Variants in RBFOX1 observed in about 807,000 individuals in gnomAD.
The protein encoded by RBFOX1 is RNA binding fox-1 homolog 1.
Under a neutral mutation model 57.7 loss-of-function variants are expected in RBFOX1, and 8 were observed. The observed-to-expected ratio is 0.14, with a 90% CI of 0.08 to 0.25. The LOEUF is 0.25. Ranked by LOEUF, RBFOX1 falls within the 10% of genes least tolerant of loss-of-function variation. The pLI is 1.00. For synonymous variants in RBFOX1, 326 were observed against 222.4 expected (o/e 1.47, Z -4.15); for missense variants, 611 against 548.5 (o/e 1.11, Z -1.14).
At chr16:7,059,914 A>G (rs1331006299) in intron 4 of RBFOX1, among the ~76,000 whole-genome samples, 1 of 152,212 alleles carries the variant, frequency 6.6e-6, no homozygotes, top group African/African-American at 2.4e-5. Context: ...TATGAAAACT[A>G]AATGCTTTGG....
intron 4 of RBFOX1, among the ~76,000 whole-genome samples, chr16:7,082,801 G>C (rs1239496327): frequency 6.6e-6 from 1 of 152,150 alleles, no homozygotes. Flanking sequence ...GCCACCAGTA[G>C]CTTAATCAGT....
intron 1 of RBFOX1, chr16:5,270,672 G>T: frequency 1.9e-6 from 1 of 536,612 alleles, no homozygotes; most frequent in East Asian, 4.3e-5. Flanking sequence ...TCCAGAAGAA[G>T]GTGTTGGAAA....
chr16:7,432,523 C>T (rs1454543910), intron 4 of RBFOX1, among the ~76,000 whole-genome samples: 1 of 152,164 alleles, frequency 6.6e-6, no homozygotes, highest in Non-Finnish European at 1.5e-5. Context: ...TATGCACAAA[C>T]ATTTTTTTTA....
intron 1 of RBFOX1, among the ~76,000 whole-genome samples, chr16:6,189,776 T>G (rs947444960): frequency 6.6e-6 from 1 of 152,212 alleles, no homozygotes; most frequent in Non-Finnish European, 1.5e-5. Context: ...TTTAAAAAAA[T>G]TATTCCATGG....
chr16:6,453,558 A>G (rs1246429739), intron 2 of RBFOX1, among the ~76,000 whole-genome samples: 1 of 152,208 alleles, frequency 6.6e-6, no homozygotes, highest in Non-Finnish European at 1.5e-5. Context: ...CAACCAAAAA[A>G]AAGCCCAGGA....
intron 3 of RBFOX1, among the ~76,000 whole-genome samples, chr16:5,659,841 C>T (rs2049587902): frequency 6.6e-6 from 1 of 152,144 alleles, no homozygotes; most frequent in Non-Finnish European, 1.5e-5. Context: ...CATCACATTG[C>T]AGTTGTTGCA....
chr16:6,587,825 A>G (rs1430357582), intron 2 of RBFOX1, among the ~76,000 whole-genome samples: 1 of 152,194 alleles, frequency 6.6e-6, no homozygotes, highest in African/African-American at 2.4e-5. Flanking sequence ...ATTTTGTGAC[A>G]TTTACTTTCT....
rs546872641 is a variant in RBFOX1 at position 5,293,800 on chromosome 16, G to C, written c.219+53695G>C. ...TTGATGGATACAGGGTTATTTTTTG[G>C]GGGGGCGGGGGGTGTTAATGAAAAT... On this transcript the variant is annotated intron_variant, in intron 1 of 2. Transcript: ENST00000585867. 5.7e-4 allele frequency among the ~76,000 whole-genome samples: 87 copies of C among 152,002 alleles called. No homozygotes were observed. The East Asian group carries it at 0.01, about 18-fold the overall frequency.
intron 4 of RBFOX1, among the ~76,000 whole-genome samples, chr16:7,391,844 A>G (rs2098030944): frequency 1.3e-5 from 2 of 152,148 alleles, no homozygotes; most frequent in Non-Finnish European, 2.9e-5. Context: ...GGGTTACACA[A>G]CCAGCCTGTC....
intron 1 of RBFOX1, among the ~76,000 whole-genome samples, chr16:6,254,354 C>G (rs1396183843): frequency 1.3e-5 from 2 of 152,076 alleles, no homozygotes; most frequent in Non-Finnish European, 2.9e-5. Context: ...TTATCAAAAT[C>G]ATGAGAATCA....
intron 3 of RBFOX1, among the ~76,000 whole-genome samples, chr16:5,732,977 C>T (rs1319877509): frequency 6.6e-6 from 1 of 152,092 alleles, no homozygotes; most frequent in African/African-American, 2.4e-5. Context: ...GGAAATGTTC[C>T]ATGTTTTTAT....
intron 3 of RBFOX1, among the ~76,000 whole-genome samples, chr16:5,767,181 C>G (rs1865812): frequency 0.48 from 72,657 of 151,772 alleles, 18,481 homozygotes; most frequent in African/African-American, 0.64. Context: ...TGAGGGATAG[C>G]TTGGTAGAAA....
chr16:5,303,500 C>G (rs1469576699), intron 1 of RBFOX1, among the ~76,000 whole-genome samples: 1 of 152,144 alleles, frequency 6.6e-6, no homozygotes, highest in African/African-American at 2.4e-5. Context: ...TGTTAGGAGG[C>G]AGGGAACATT....
intron 3 of RBFOX1, among the ~76,000 whole-genome samples, chr16:6,929,989 G>A (rs1383929507): frequency 1.3e-5 from 2 of 152,114 alleles, no homozygotes; most frequent in African/African-American, 2.4e-5. Flanking sequence ...TGTCCAGGAA[G>A]TAATAGGAAA....
chr16:7,138,854 C>T (rs1013240623), intron 4 of RBFOX1, among the ~76,000 whole-genome samples: 14 of 152,134 alleles, frequency 9.2e-5, no homozygotes, highest in South Asian at 2.1e-4. Context: ...TGCTGCCTAG[C>T]CTGGAGTGCA....
At chr16:5,284,736 G>C (rs1021786656) in intron 1 of RBFOX1, among the ~76,000 whole-genome samples, 3 of 100,534 alleles carry the variant, frequency 3.0e-5, no homozygotes, top group Admixed American at 9.4e-5. Context: ...GCTTTGCTGG[G>C]TATAGTAGTT....
chr16:5,786,680 C>G (rs1178317053), intron 3 of RBFOX1, among the ~76,000 whole-genome samples: 3 of 152,200 alleles, frequency 2.0e-5, no homozygotes, highest in African/African-American at 7.2e-5. Context: ...GACATCATCC[C>G]TGACAGTGCC....
At chr16:6,018,755 C>G (rs566220439), upstream of RBFOX1, among the ~76,000 whole-genome samples, 1 of 152,158 alleles carries the variant, frequency 6.6e-6, no homozygotes, top group Non-Finnish European at 1.5e-5. Flanking sequence ...GGGGATTTGT[C>G]TACTTTGATT....
intron 3 of RBFOX1, among the ~76,000 whole-genome samples, chr16:6,741,473 G>A (rs1444487989): frequency 1.3e-5 from 2 of 152,062 alleles, no homozygotes; most frequent in Non-Finnish European, 2.9e-5. Flanking sequence ...AGACCAGCCT[G>A]GCTAACATGG....
Sources: gnomAD v4.1 joint callset for allele counts (sites outside exome capture counted in the v4.1 genomes callset) on GRCh38, gnomAD v4.1.1 for gene constraint, MANE v1.5 for transcripts, NCBI Gene and HGNC (gene_info 2026-07-23, HGNC 2026-07-21) for gene names.